Variants in HTR2B observed in about 807,000 individuals in gnomAD.
HTR2B encodes 5-hydroxytryptamine receptor 2B.
In HTR2B, 31 loss-of-function variants were observed where a neutral mutation model predicts 39.8. That is an observed-to-expected ratio of 0.78 (90% CI 0.58 to 1.05). HTR2B has a LOEUF of 1.05. Among genes scored for constraint, HTR2B ranks in the 50% least tolerant of loss-of-function variants. The probability of loss-of-function intolerance (pLI) is 0.00; values close to 1 mark genes in which losing one functional copy is unlikely to be tolerated. For missense variants in HTR2B, 562 were observed against 578.0 expected (o/e 0.97, Z 0.28); for synonymous variants, 210 against 207.1 (o/e 1.01, Z -0.12).
chr2:231,124,138 C>G lies in HTR2B; in HGVS notation c.-366-8G>C, dbSNP rs1223292900. 1 of 242,484 alleles carries G rather than the reference C, an allele frequency of 4.1e-6. No homozygotes were observed. Among genetic ancestry groups the G allele is most frequent in the Non-Finnish European group, 8.2e-6 (1 of 122,200 alleles). The allele number at this position is 242,484 out of a possible 1,614,324, so 15.0% of individuals were successfully genotyped here. A position where few individuals can be genotyped will look rare whatever the true frequency, so the allele number is the denominator to read the frequency against. Reference sequence around the variant, plus strand: ...CATGCCAGAGAGTTCCCCCTAGATACAAAATACATAGACTGCATTATTTTA... The same window carrying G: ...CATGCCAGAGAGTTCCCCCTAGATAGAAAATACATAGACTGCATTATTTTA... On this transcript the variant is annotated splice_polypyrimidine_tract_variant and splice_region_variant and intron_variant, in intron 1 of 3. Coordinates refer to ENST00000258400, the MANE Select transcript of HTR2B (RefSeq NM_000867.5).
At chr2:231,116,780 T>C (rs1348204369) in intron 2 of HTR2B, among the ~76,000 whole-genome samples, 1 of 152,062 alleles carries the variant, frequency 6.6e-6, no homozygotes, top group Admixed American at 6.6e-5. Context: ...AACAGAAATA[T>C]TGAGATGTGA....
Position 231,123,631 on chromosome 2 carries a change from T to C in HTR2B, c.134A>G (p.Gln45Arg). The C allele has an allele frequency of 6.2e-7, 1 of 1,614,118 alleles. No individual in the cohort carries two copies. The highest frequency in any genetic ancestry group is 8.5e-7 in the Non-Finnish European group (1 of 1,179,928). ...TTTATTTCCCTGTTCCTCAACAATC[T>C]GTTTCATTTCCTCTGGTATTGATTC... is the stretch of plus-strand genomic sequence containing the variant. ...QTESIPEEMK[Q>R]IVEEQGNKLH... Residue 45 changes from glutamine to arginine, a missense_variant, in exon 2 of 4, where the codon CAG (glutamine) becomes CGG (arginine). Coordinates refer to ENST00000258400, the MANE Select transcript of HTR2B (RefSeq NM_000867.5).
intron 2 of HTR2B, among the ~76,000 whole-genome samples, chr2:231,117,469 A>G (rs1695381831): frequency 6.6e-6 from 1 of 152,136 alleles, no homozygotes; most frequent in Admixed American, 6.5e-5. Context: ...AGAAAGAATA[A>G]TAGCATTTCT....
At chr2:231,118,546 T>G (rs1393686407) in intron 2 of HTR2B, among the ~76,000 whole-genome samples, 1 of 152,228 alleles carries the variant, frequency 6.6e-6, no homozygotes, top group Non-Finnish European at 1.5e-5. Flanking sequence ...ATAACCTGTA[T>G]GCATTGCATG....
intron 3 of HTR2B, 103 bp downstream of exon 3, chr2:231,113,626 A>G (rs900570118): frequency 4.1e-6 from 4 of 982,050 alleles, no homozygotes; most frequent in Non-Finnish European, 6.6e-6. Context: ...GGCTGGCTTG[A>G]CCTCTCATGC....
intron 3 of HTR2B, among the ~76,000 whole-genome samples, chr2:231,113,328 T>C (rs547171056): frequency 3.9e-5 from 6 of 151,994 alleles, no homozygotes; most frequent in African/African-American, 1.5e-4. Context: ...CTCTTATTAA[T>C]CTTTTAAAAT....
intron 3 of HTR2B, among the ~76,000 whole-genome samples, chr2:231,113,150 C>G (rs1300943021): frequency 2.0e-5 from 3 of 152,020 alleles, no homozygotes; most frequent in Non-Finnish European, 4.4e-5. Context: ...GGTGACAGAG[C>G]AAGACCCTGT....
intron 2 of HTR2B, among the ~76,000 whole-genome samples, chr2:231,117,078 T>G (rs1029005227): frequency 2.6e-5 from 4 of 152,180 alleles, no homozygotes; most frequent in Non-Finnish European, 5.9e-5. Flanking sequence ...CTTTTCCTAG[T>G]CTAGAGACTT....
Position 231,108,742 on chromosome 2 carries a change from A to G in HTR2B, c.1221T>C (p.Thr407=). 6.2e-7 allele frequency: 1 copy of G among 1,614,096 alleles called. No individual in the cohort carries two copies. Among genetic ancestry groups the G allele is most frequent in the Admixed American group, 1.7e-5 (1 of 60,014 alleles). Residue 407 remains threonine (T), a synonymous_variant, in exon 4 of 4, where the codon ACT becomes ACC. Transcript: ENST00000258400. ...CNYRATKSVK[T]LRKRSSKIYF... ...AGATCTTACTGGAGCGTTTTCTGAG[A>G]GTTTTTACTGACTTTGTGGCCCGGT... is the stretch of plus-strand genomic sequence containing the variant.
intron 2 of HTR2B, 100 bp from the exon 3 acceptor site, chr2:231,114,029 C>T (rs527355157): frequency 1.1e-6 from 1 of 899,612 alleles, no homozygotes; most frequent in South Asian, 1.4e-5. Context: ...TTTTGTTACT[C>T]ATCTGAAATT....
Position 231,123,791 on chromosome 2 carries a change from GT to G in HTR2B, c.-28del. The G allele has an allele frequency of 6.6e-7, 1 of 1,512,024 alleles. No homozygotes were observed. Among genetic ancestry groups the G allele is most frequent in the Non-Finnish European group, 9.2e-7 (1 of 1,087,378 alleles). The allele number at this position is 1,512,024 out of a possible 1,614,324, so 93.7% of individuals were successfully genotyped here. On this transcript the variant is annotated 5_prime_UTR_variant, in exon 2 of 4. The change abolishes the stop of an existing upstream ORF in the 5' untranslated region. Coordinates refer to ENST00000258400, the MANE Select transcript of HTR2B (RefSeq NM_000867.5). Reference sequence around the variant, plus strand: ...TGCTGTTTTTCTGTGATTCAATCCCGTTCCGAACAGTGGTCAGCATGGTTAG... The same window carrying G: ...TGCTGTTTTTCTGTGATTCAATCCCGTCCGAACAGTGGTCAGCATGGTTAG...
In HTR2B at chr2:231,123,785, A is replaced by T. The variant is rs1288087037; in HGVS notation, c.-21T>A. The T allele has an allele frequency of 1.3e-6, 2 of 1,566,918 alleles. No homozygotes were observed. The stretch of plus-strand genomic sequence containing the variant: ...GCCATTTGCTGTTTTTCTGTGATTC[A>T]ATCCCGTTCCGAACAGTGGTCAGCA... On this transcript the variant is annotated 5_prime_UTR_variant, in exon 2 of 4. It removes the in-frame stop codon of an upstream open reading frame in the 5' UTR. Transcript: ENST00000258400.
chr2:231,118,491 A>G (rs1695421251), intron 2 of HTR2B, among the ~76,000 whole-genome samples: 2 of 152,204 alleles, frequency 1.3e-5, no homozygotes, highest in Admixed American at 1.3e-4. Flanking sequence ...TTTTTTACTA[A>G]CGTTGAATTT....
At chr2:231,113,606 T>C in intron 3 of HTR2B, 123 bp downstream of exon 3, 3 of 832,078 alleles carry the variant, frequency 3.6e-6, no homozygotes, top group Non-Finnish European at 6.4e-6. Context: ...CTTATGTTAA[T>C]GTATCAGTAG....
At chr2:231,124,221 G>T (rs1695658917) in intron 1 of HTR2B, 91 bp from the exon 2 acceptor site, 2 of 169,830 alleles carry the variant, frequency 1.2e-5, no homozygotes, top group African/African-American at 4.8e-5. Flanking sequence ...TTCTTAGTAA[G>T]TCTGTTGTGC....
In HTR2B at chr2:231,111,655, G is replaced by C. The variant is rs188639068; in HGVS notation, c.553+2074C>G. 1.2e-4 allele frequency among the ~76,000 whole-genome samples: 18 copies of C among 152,252 alleles called. No individual in the cohort carries two copies. The East Asian group carries it at 3.5e-3, about 29-fold the overall frequency. ...TTCATTTTTTCAAAGTTATTAATTT[G>C]TGATCGGTTCTACAAGACAAAGTGC... is the stretch of plus-strand genomic sequence containing the variant. On this transcript the variant is annotated intron_variant, in intron 3 of 3. Coordinates refer to ENST00000258400, the MANE Select transcript of HTR2B (RefSeq NM_000867.5).
rs1211294532 is a variant in HTR2B at position 231,109,329 on chromosome 2, C to G, written c.634G>C (p.Glu212Gln). The G allele has an allele frequency of 1.2e-6, 2 of 1,613,980 alleles. No homozygotes were observed. The highest frequency in any genetic ancestry group is 2.2e-5 in the South Asian group (2 of 91,024). ...PNNITCVLTK[E>Q]RFGDFMLFGS... ...AAGAGCATGAAATCGCCAAAACGTT[C>G]CTTTGTCAGCACACAAGTGATATTG... Residue 212 changes from glutamate (E) to glutamine (Q), a missense_variant, in exon 4 of 4, where the codon GAA (glutamate) becomes CAA (glutamine). Physicochemically the swap from Glu to Gln is conservative, Grantham distance 29. Coordinates refer to ENST00000258400, the MANE Select transcript of HTR2B (RefSeq NM_000867.5).
At chr2:231,123,367 A>T in intron 2 of HTR2B, 46 bp downstream of exon 2, 1 of 1,312,498 alleles carries the variant, frequency 7.6e-7, no homozygotes. Context: ...CTAATAGTAT[A>T]TCATAGTTCT....
intron 3 of HTR2B, among the ~76,000 whole-genome samples, chr2:231,113,504 T>C (rs916308997): frequency 6.6e-6 from 1 of 152,232 alleles, no homozygotes; most frequent in Non-Finnish European, 1.5e-5. Context: ...GTGCAGATGG[T>C]TCTTTCTGAG....
Sources: gnomAD v4.1 joint callset for allele counts (sites outside exome capture counted in the v4.1 genomes callset) on GRCh38, gnomAD v4.1.1 for gene constraint, MANE v1.5 for transcripts, NCBI Gene and HGNC (gene_info 2026-07-23, HGNC 2026-07-21) for gene names.